Variants in TMPRSS13 observed in about 807,000 individuals in gnomAD.
The protein encoded by TMPRSS13 is transmembrane serine protease 13.
TMPRSS13 carries 50 observed loss-of-function variants against 68.4 expected under a neutral mutation model. That is an observed-to-expected ratio of 0.73 (90% CI 0.58 to 0.93). The LOEUF is 0.93. Ranked by LOEUF, TMPRSS13 falls within the 40% of genes least tolerant of loss-of-function variation. The pLI, the probability that TMPRSS13 is intolerant of heterozygous loss-of-function variation, is 0.00. For synonymous variants in TMPRSS13, 267 were observed against 285.8 expected (o/e 0.93, Z 0.66); for missense variants, 615 against 729.2 (o/e 0.84, Z 1.80).
chr11:117,909,808 G>A lies in TMPRSS13; in HGVS notation c.1107C>T (p.Phe369=), dbSNP rs781367468. The change falls in exon 8 of 13, where the codon TTC becomes TTT. Residue 369 remains phenylalanine, a splice_region_variant and synonymous_variant. Coordinates refer to ENST00000524993, the MANE Select transcript of TMPRSS13 (RefSeq NM_001077263.3). ...QWVLTAAHCF[F]VTREKVLEGW... ...TCACCTGCCTCTCAGGCACTTACACGAAGAAGCAGTGGGCGGCAGTGAGCA... is the reference window on the plus strand; with the variant it reads ...TCACCTGCCTCTCAGGCACTTACACAAAGAAGCAGTGGGCGGCAGTGAGCA... 34 of 1,608,968 alleles carry A rather than the reference G, an allele frequency of 2.1e-5. No individual in the cohort carries two copies. Among genetic ancestry groups the A allele is most frequent in the Middle Eastern group, 1.7e-4 (1 of 5,906 alleles).
intron 5 of TMPRSS13, 34 bp downstream of exon 5, chr11:117,913,743 G>A (rs748265593): frequency 6.8e-6 from 11 of 1,610,208 alleles, no homozygotes; most frequent in African/African-American, 1.3e-5. Context: ...AGACATCCCT[G>A]AAGCCTGGAC....
chr11:117,903,859 G>C (rs754786360), intron 11 of TMPRSS13, 52 bp from the exon 12 acceptor site: 1 of 1,597,818 alleles, frequency 6.3e-7, no homozygotes, highest in African/African-American at 1.3e-5. Flanking sequence ...GTCCATGAGC[G>C]GGAAAGGGTG....
intron 7 of TMPRSS13, 128 bp from the exon 8 acceptor site, chr11:117,910,096 A>T: frequency 8.8e-7 from 1 of 1,132,642 alleles, no homozygotes. Flanking sequence ...CCTGAAGGGC[A>T]CCCACCCTTC....
intron 11 of TMPRSS13, 25 bp from the exon 12 acceptor site, chr11:117,903,832 G>T (rs752256341): frequency 1.9e-6 from 3 of 1,606,792 alleles, no homozygotes; most frequent in Non-Finnish European, 2.5e-6. Context: ...GGGCACATTC[G>T]CAGGATGGGA....
At chr11:117,904,210 G>A in intron 10 of TMPRSS13, 109 bp from the exon 11 acceptor site, 1 of 1,424,190 alleles carries the variant, frequency 7.0e-7, no homozygotes, top group African/African-American at 1.4e-5. Context: ...CAGCCTCCTG[G>A]GAATGGAGGG....
Position 117,903,744 on chromosome 11 carries a change from TG to T in TMPRSS13, c.1587del (p.Ser530AlafsTer18), listed in dbSNP as rs758005287. 6.2e-7 allele frequency: 1 copy of T among 1,613,176 alleles called. No individual in the cohort carries two copies. ...QNNRWYLAGV[T>X]SWGTGCGQRN... The stretch of plus-strand genomic sequence containing the variant: ...CTCTGGCCACAGCCTGTGCCCCAGC[TG>T]GTGACACCTGCCAGGTACCAGCGGT... On this transcript the variant is annotated frameshift_variant, in exon 12 of 13. Coordinates refer to ENST00000524993, the MANE Select transcript of TMPRSS13 (RefSeq NM_001077263.3). LOFTEE classifies it high-confidence loss of function.
intron 5 of TMPRSS13, among the ~76,000 whole-genome samples, chr11:117,912,688 A>T (rs2134894542): frequency 6.6e-6 from 1 of 152,264 alleles, no homozygotes; most frequent in East Asian, 1.9e-4. Context: ...TCTCCACTGT[A>T]TGCCCTTAGT....
At chr11:117,916,793 C>T (rs2057582001) in intron 3 of TMPRSS13, among the ~76,000 whole-genome samples, 2 of 152,288 alleles carry the variant, frequency 1.3e-5, no homozygotes, top group East Asian at 1.9e-4. Flanking sequence ...ATTTATTCCT[C>T]ATAATCTAAT....
chr11:117,926,517 G>C (rs990455936), intron 1 of TMPRSS13, among the ~76,000 whole-genome samples: 4 of 152,214 alleles, frequency 2.6e-5, no homozygotes, highest in Admixed American at 2.0e-4. Flanking sequence ...ACTTGAAGAA[G>C]GCCCAGTATA....
chr11:117,924,461 C>T (rs551350163), intron 1 of TMPRSS13, among the ~76,000 whole-genome samples: 10 of 152,294 alleles, frequency 6.6e-5, no homozygotes, highest in South Asian at 2.1e-4. Flanking sequence ...GCATCAAGGG[C>T]GCCCATAGGG....
chr11:117,918,307 T>G, intron 2 of TMPRSS13, 102 bp downstream of exon 2: 1 of 926,854 alleles, frequency 1.1e-6, no homozygotes, highest in African/African-American at 1.7e-5. Flanking sequence ...CTTCCCCGCA[T>G]CGTTGTCTGC....
At position 117,922,290 on chromosome 11, in the gene TMPRSS13, A is replaced by C. The variant is rs139001732; in HGVS notation, c.22-3452T>G. Among the ~76,000 whole-genome samples, 137 of 152,248 alleles carry C rather than the reference A, an allele frequency of 9.0e-4. 1 individual carries two copies. The highest frequency in any genetic ancestry group is 3.2e-3 in the African/African-American group (135 of 41,542). On this transcript the variant is annotated intron_variant, in intron 1 of 12. Coordinates refer to ENST00000524993, the MANE Select transcript of TMPRSS13 (RefSeq NM_001077263.3). This position sits in a 1 kb window ranked among gnomAD's most constrained non-coding sequence, Gnocchi z 4.2. ...TCACTCTGTCGCCAGGCTGGAGTAC[A>C]GTGGCGTGATCTCGGCTCACTGCAA...
At chr11:117,926,258 C>T (rs1397009250) in intron 1 of TMPRSS13, among the ~76,000 whole-genome samples, 1 of 147,310 alleles carries the variant, frequency 6.8e-6, no homozygotes, top group Non-Finnish European at 1.5e-5. Flanking sequence ...TGCCAGGGTC[C>T]TTGGAGGACG....
At position 117,918,403 on chromosome 11, in the gene TMPRSS13, C is replaced by T; in HGVS notation, c.451+6G>A. Reference sequence around the variant, plus strand: ...TCTCGTGGCTTCCCTACAGCATCCCCCTTACCTGGGCTCTCCCTGGTGGCC... The same window carrying T: ...TCTCGTGGCTTCCCTACAGCATCCCTCTTACCTGGGCTCTCCCTGGTGGCC... On this transcript the variant is annotated splice_donor_region_variant and intron_variant, in intron 2 of 12. Coordinates refer to ENST00000524993, the MANE Select transcript of TMPRSS13 (RefSeq NM_001077263.3). 6.2e-7 allele frequency: 1 copy of T among 1,612,906 alleles called. No homozygotes were observed. The highest frequency in any genetic ancestry group is 8.5e-7 in the Non-Finnish European group (1 of 1,179,000).
chr11:117,903,760 G>A lies in TMPRSS13; in HGVS notation c.1572C>T (p.Tyr524=). 1 of 1,612,588 alleles carries A rather than the reference G, an allele frequency of 6.2e-7. No individual in the cohort carries two copies. The highest frequency in any genetic ancestry group is 8.5e-7 in the Non-Finnish European group (1 of 1,179,354). Residue 524 remains tyrosine (Y), a synonymous_variant, in exon 12 of 13, where the codon TAC becomes TAT. Transcript: ENST00000524993. ...TGCCCCAGCTGGTGACACCTGCCAG[G>A]TACCAGCGGTTGTTCTGCTCACAGA... The part of the protein sequence containing the change: ...PLVCEQNNRW[Y]LAGVTSWGTG...
intron 1 of TMPRSS13, among the ~76,000 whole-genome samples, chr11:117,927,073 T>C (rs1175688464): frequency 6.6e-6 from 1 of 152,250 alleles, no homozygotes; most frequent in Admixed American, 6.5e-5. Context: ...GTAAACAGAC[T>C]GTAAACTACT....
chr11:117,909,062 T>G (rs114722984), intron 8 of TMPRSS13, among the ~76,000 whole-genome samples: 2,081 of 152,194 alleles, frequency 0.014, 50 homozygotes, highest in African/African-American at 0.047. Flanking sequence ...CTATCTCCTC[T>G]GCAAGTCACC....
intron 10 of TMPRSS13, among the ~76,000 whole-genome samples, chr11:117,904,861 T>TTATATATATA (rs58001868): frequency 0.014 from 1,361 of 99,634 alleles, 41 homozygotes; most frequent in Non-Finnish European, 0.02. Context: ...CTAGATAAGA[T>TTATATATATA]TATATATATA....
At chr11:117,917,121 C>A in intron 3 of TMPRSS13, 49 bp downstream of exon 3, 1 of 1,511,076 alleles carries the variant, frequency 6.6e-7, no homozygotes, top group Non-Finnish European at 9.1e-7. Flanking sequence ...GGGTCCCACT[C>A]TGCCCAGCAG....
Sources: allele counts gnomAD v4.1 joint callset (sites outside exome capture counted in the v4.1 genomes callset), GRCh38; gene constraint gnomAD v4.1.1; non-coding constraint Gnocchi (gnomAD v3.1); transcripts MANE v1.5; gene names NCBI Gene and HGNC (gene_info 2026-07-23, HGNC 2026-07-21).